Variants in CACNB4 observed in about 807,000 individuals in gnomAD.
CACNB4 encodes the protein voltage-dependent L-type calcium channel subunit beta-4.
CACNB4 carries 32 observed loss-of-function variants against 71.2 expected under a neutral mutation model. The ratio of observed to expected loss-of-function variants is 0.45; its 90% CI spans 0.34 to 0.60. The LOEUF (loss-of-function observed/expected upper bound fraction) is 0.60, where lower values mean the gene tolerates loss of function less well. CACNB4 is among the 20% of genes least tolerant of loss of function. The pLI, the probability that CACNB4 is intolerant of heterozygous loss-of-function variation, is 0.01. For missense variants in CACNB4, 464 were observed against 647.9 expected (o/e 0.72, Z 3.08); for synonymous variants, 231 against 236.9 (o/e 0.97, Z 0.23).
chr2:151,998,500 C>T (rs983480886), intron 2 of CACNB4, among the ~76,000 whole-genome samples: 2 of 152,134 alleles, frequency 1.3e-5, no homozygotes, highest in African/African-American at 4.8e-5. Context: ...TTCTCAGAAC[C>T]TCAGCTGTCT....
intron 2 of CACNB4, among the ~76,000 whole-genome samples, chr2:151,974,926 A>C (rs1467963981): frequency 1.3e-5 from 2 of 152,186 alleles, no homozygotes; most frequent in Non-Finnish European, 2.9e-5. Flanking sequence ...GGAGCACAGA[A>C]CATATTTTAG....
chr2:152,024,202 A>G (rs993664901), intron 2 of CACNB4, among the ~76,000 whole-genome samples: 2 of 152,214 alleles, frequency 1.3e-5, no homozygotes, highest in Non-Finnish European at 2.9e-5. Flanking sequence ...ACGTGCCTGT[A>G]GTCCTAGCTA....
chr2:151,966,784 G>A (rs1042714885), intron 2 of CACNB4, among the ~76,000 whole-genome samples: 6 of 152,074 alleles, frequency 3.9e-5, no homozygotes, highest in African/African-American at 1.4e-4. Context: ...AGAAGGAGGA[G>A]CATATTTAGT....
intron 2 of CACNB4, among the ~76,000 whole-genome samples, chr2:151,985,781 A>T (rs1681327830): frequency 6.6e-6 from 1 of 151,932 alleles, no homozygotes; most frequent in South Asian, 2.1e-4. Context: ...GTCCATCCAC[A>T]TCTAAATAAC....
rs531806636 is a variant in CACNB4 at position 152,061,140 on chromosome 2, T to C, written c.147+37190A>G. On this transcript the variant is annotated intron_variant, in intron 2 of 13. Coordinates refer to ENST00000539935, the MANE Select transcript of CACNB4 (RefSeq NM_000726.5). ...CTGGTCAACATAAGGAGATCCCGTC[T>C]CCACAAAAAATTTTTGTCAATTAGC... 9.2e-5 allele frequency among the ~76,000 whole-genome samples: 14 copies of C among 152,220 alleles called. No homozygotes were observed. The South Asian group carries it at 2.9e-3, about 32-fold the overall frequency.
chr2:151,974,063 C>T (rs368055628), intron 2 of CACNB4: 11 of 718,260 alleles, frequency 1.5e-5, no homozygotes, highest in Middle Eastern at 6.1e-4. Flanking sequence ...GAGGGCGCCT[C>T]GGAGCATCCT....
intron 2 of CACNB4, among the ~76,000 whole-genome samples, chr2:152,015,061 C>T (rs1236178256): frequency 1.3e-5 from 2 of 152,314 alleles, no homozygotes; most frequent in East Asian, 3.9e-4. Flanking sequence ...AGCCCCAAAA[C>T]CTTCATGAAC....
chr2:152,019,590 A>G (rs1243785393), intron 2 of CACNB4, among the ~76,000 whole-genome samples: 1 of 152,152 alleles, frequency 6.6e-6, no homozygotes, highest in Non-Finnish European at 1.5e-5. Context: ...GGATGACTGG[A>G]AAGACTAACG....
intron 10 of CACNB4, chr2:151,859,438 A>T (rs182335685): frequency 1.3e-4 from 20 of 152,338 alleles, no homozygotes; most frequent in African/African-American, 4.3e-4. Context: ...GGAGTTACAA[A>T]ATGGGTAGAA....
chr2:152,069,010 G>A (rs556298131), intron 2 of CACNB4, among the ~76,000 whole-genome samples: 16 of 152,258 alleles, frequency 1.1e-4, no homozygotes, highest in Admixed American at 3.3e-4. Flanking sequence ...AAGAGGTGCC[G>A]GATGCTTGGC....
intron 2 of CACNB4, among the ~76,000 whole-genome samples, chr2:151,964,297 CT>C (rs1331502070): frequency 6.6e-6 from 1 of 151,968 alleles, no homozygotes; most frequent in African/African-American, 2.4e-5. Context: ...TTATTATGAT[CT>C]TATGTGCATT....
intron 2 of CACNB4, among the ~76,000 whole-genome samples, chr2:152,011,272 A>T (rs1370905365): frequency 1.3e-5 from 2 of 152,102 alleles, no homozygotes; most frequent in Non-Finnish European, 2.9e-5. Flanking sequence ...ACCCTCCAGT[A>T]ACCCCCAGGT....
At position 152,098,873 on chromosome 2, in the gene CACNB4, G is replaced by GGGGC; in HGVS notation, c.63+72_63+75dup. ...GGCCCCGCACGCCCGGCACGAAGGC[G>GGGGC]GGGCGCGCTAGGGCGGCGGAGGAGG... On this transcript the variant is annotated intron_variant, in intron 1 of 13. Coordinates refer to ENST00000539935, the MANE Select transcript of CACNB4 (RefSeq NM_000726.5). The surrounding 1 kb of genome is among the most constrained non-coding windows in gnomAD (Gnocchi z 5.3). The GGGGC allele has an allele frequency of 1.7e-6, 2 of 1,200,754 alleles. No individual in the cohort carries two copies. Among genetic ancestry groups the GGGGC allele is most frequent in the Non-Finnish European group, 2.3e-6 (2 of 871,898 alleles). The allele number at this position is 1,200,754 out of a possible 1,614,324, so 74.4% of individuals were successfully genotyped here.
intron 9 of CACNB4, among the ~76,000 whole-genome samples, chr2:151,864,098 T>G (rs932363430): frequency 6.6e-6 from 1 of 152,202 alleles, no homozygotes; most frequent in Non-Finnish European, 1.5e-5. Context: ...CTTCTTTTCT[T>G]GCTATGCTGA....
intron 2 of CACNB4, among the ~76,000 whole-genome samples, chr2:151,982,221 G>A (rs942610017): frequency 6.6e-6 from 1 of 152,086 alleles, no homozygotes; most frequent in African/African-American, 2.4e-5. Context: ...ATTTAGCAAG[G>A]TTCTTCAACT....
At chr2:151,910,007 A>T (rs2099855790) in intron 2 of CACNB4, among the ~76,000 whole-genome samples, 1 of 152,174 alleles carries the variant, frequency 6.6e-6, no homozygotes, top group Non-Finnish European at 1.5e-5. Flanking sequence ...CAACAGTGTA[A>T]AAGCGTTCCT....
chr2:152,007,236 C>T (rs542322527), intron 2 of CACNB4, among the ~76,000 whole-genome samples: 3 of 152,130 alleles, frequency 2.0e-5, no homozygotes, highest in Non-Finnish European at 2.9e-5. Context: ...TTTAACCATC[C>T]GTAAGTGTGC....
At chr2:151,987,178 C>T (rs964434714) in intron 2 of CACNB4, among the ~76,000 whole-genome samples, 2 of 152,186 alleles carry the variant, frequency 1.3e-5, no homozygotes, top group Non-Finnish European at 2.9e-5. Flanking sequence ...CTGCAGACAA[C>T]CTCCGCAACA....
intron 2 of CACNB4, among the ~76,000 whole-genome samples, chr2:151,944,020 T>A: frequency 8.4e-6 from 1 of 119,252 alleles, no homozygotes; most frequent in East Asian, 2.1e-4. Flanking sequence ...AGGATTATAC[T>A]TTCTTTCTTT....
Sources: gnomAD v4.1 joint callset for allele counts (sites outside exome capture counted in the v4.1 genomes callset) on GRCh38, gnomAD v4.1.1 for gene constraint, Gnocchi (gnomAD v3.1) non-coding constraint, MANE v1.5 for transcripts, NCBI Gene and HGNC (gene_info 2026-07-23, HGNC 2026-07-21) for gene names.